Variants in THSD7B observed in about 807,000 individuals in gnomAD.
THSD7B encodes the protein thrombospondin type-1 domain-containing protein 7B.
Under a neutral mutation model 213.6 loss-of-function variants are expected in THSD7B, and 138 were observed. That is an observed-to-expected ratio of 0.65 (90% CI 0.56 to 0.74). THSD7B has a LOEUF of 0.74. Among genes scored for constraint, THSD7B ranks in the 30% least tolerant of loss-of-function variants. The pLI is 0.00. For synonymous variants in THSD7B, 742 were observed against 687.0 expected, an observed-to-expected ratio of 1.08 and a Z score of -1.25; for missense variants, 1,931 against 1,991.5, an observed-to-expected ratio of 0.97 and a Z score of 0.58.
At chr2:137,181,683 A>G (rs1680458258) in intron 7 of THSD7B, among the ~76,000 whole-genome samples, 1 of 152,050 alleles carries the variant, frequency 6.6e-6, no homozygotes, top group Non-Finnish European at 1.5e-5. Context: ...GGACAGGACA[A>G]TTTTGTATTT....
At chr2:137,236,953 A>G (rs180686668) in intron 9 of THSD7B, among the ~76,000 whole-genome samples, 123 of 152,228 alleles carry the variant, frequency 8.1e-4, no homozygotes, top group African/African-American at 2.9e-3. Context: ...TCTACTAAAA[A>G]TACAAAAATT....
At chr2:137,172,498 G>T (rs987760428) in intron 7 of THSD7B, among the ~76,000 whole-genome samples, 6 of 152,172 alleles carry the variant, frequency 3.9e-5, no homozygotes, top group Admixed American at 2.6e-4. Context: ...TGAGAGGGTG[G>T]CAGATCCCAG....
intron 1 of THSD7B, among the ~76,000 whole-genome samples, chr2:136,821,186 C>T (rs1328013474): frequency 1.3e-5 from 2 of 150,540 alleles, no homozygotes; most frequent in East Asian, 1.9e-4. Flanking sequence ...TACAGAGTCA[C>T]GTATTTACAT....
intron 2 of THSD7B, among the ~76,000 whole-genome samples, chr2:137,000,657 G>A (rs1292596440): frequency 6.6e-6 from 1 of 151,904 alleles, no homozygotes; most frequent in African/African-American, 2.4e-5. Context: ...GTTCTTTTGG[G>A]AATCCGATTG....
intron 2 of THSD7B, among the ~76,000 whole-genome samples, chr2:136,941,324 A>G (rs961827663): frequency 2.6e-5 from 4 of 152,164 alleles, no homozygotes; most frequent in Admixed American, 6.5e-5. Context: ...ATACGTGTTC[A>G]TGTGTCTTTA....
At chr2:137,046,316 G>C (rs1686968841) in intron 2 of THSD7B, among the ~76,000 whole-genome samples, 1 of 152,178 alleles carries the variant, frequency 6.6e-6, no homozygotes, top group Non-Finnish European at 1.5e-5. Flanking sequence ...TGAATGCTTT[G>C]TAGGAGAATA....
At chr2:137,370,857 A>G (rs922270509) in intron 12 of THSD7B, among the ~76,000 whole-genome samples, 2 of 152,042 alleles carry the variant, frequency 1.3e-5, no homozygotes, top group African/African-American at 4.8e-5. Context: ...ATATAATTTC[A>G]TTAATTAATA....
intron 17 of THSD7B, among the ~76,000 whole-genome samples, chr2:137,577,902 G>T (rs562338906): frequency 6.6e-6 from 1 of 152,118 alleles, no homozygotes; most frequent in Non-Finnish European, 1.5e-5. Flanking sequence ...AAACTAGCAC[G>T]ATTGTAACGC....
At chr2:137,564,728 T>G (rs912734439) in intron 16 of THSD7B, among the ~76,000 whole-genome samples, 5 of 152,048 alleles carry the variant, frequency 3.3e-5, no homozygotes, top group African/African-American at 4.8e-5. Context: ...TTGTGGAAGG[T>G]TGATTGAGGA....
intron 17 of THSD7B, among the ~76,000 whole-genome samples, chr2:137,574,260 T>C (rs1681415101): frequency 6.6e-6 from 1 of 152,118 alleles, no homozygotes; most frequent in Non-Finnish European, 1.5e-5. Context: ...TGTGTTTGCT[T>C]CTTTTGGGTT....
chr2:137,585,550 G>A (rs911500569), intron 17 of THSD7B, among the ~76,000 whole-genome samples: 8 of 151,954 alleles, frequency 5.3e-5, no homozygotes, highest in East Asian at 1.9e-4. Flanking sequence ...CTTTGTTCTC[G>A]TTGGTTTCAA....
At chr2:136,982,018 C>G (rs1469856251) in intron 2 of THSD7B, among the ~76,000 whole-genome samples, 2 of 152,204 alleles carry the variant, frequency 1.3e-5, no homozygotes, top group African/African-American at 4.8e-5. Flanking sequence ...CCATTTTACT[C>G]TCAAGGAACT....
At chr2:137,290,190 G>A (rs1400920165) in intron 12 of THSD7B, among the ~76,000 whole-genome samples, 1 of 151,208 alleles carries the variant, frequency 6.6e-6, no homozygotes, top group African/African-American at 2.4e-5. Context: ...CTGGGTTCAA[G>A]GGATTCTCCT....
chr2:137,568,372 C>A (rs2105230157), intron 16 of THSD7B, among the ~76,000 whole-genome samples: 1 of 152,124 alleles, frequency 6.6e-6, no homozygotes, highest in East Asian at 1.9e-4. Flanking sequence ...TTCAGGAACA[C>A]CCTCAATTTA....
At chr2:137,352,504 T>C (rs569188743) in intron 12 of THSD7B, among the ~76,000 whole-genome samples, 4 of 152,152 alleles carry the variant, frequency 2.6e-5, no homozygotes, top group South Asian at 2.1e-4. Flanking sequence ...CCTGGCCTTA[T>C]AGACTCTTTA....
intron 7 of THSD7B, among the ~76,000 whole-genome samples, chr2:137,189,489 G>T (rs1680615770): frequency 6.6e-6 from 1 of 151,946 alleles, no homozygotes; most frequent in Non-Finnish European, 1.5e-5. Context: ...CAAGGTCAAC[G>T]TCACCCATGG....
At chr2:137,617,150 T>C (rs1682402844) in intron 18 of THSD7B, among the ~76,000 whole-genome samples, 1 of 152,246 alleles carries the variant, frequency 6.6e-6, no homozygotes, top group Admixed American at 6.5e-5. Flanking sequence ...TGACCTGGTG[T>C]ATTTGTCCTT....
At chr2:137,292,669 G>A (rs1011910129) in intron 12 of THSD7B, among the ~76,000 whole-genome samples, 3 of 151,962 alleles carry the variant, frequency 2.0e-5, no homozygotes, top group Non-Finnish European at 4.4e-5. Context: ...CTCCATGGTT[G>A]TTGTTACCTA....
At chr2:137,464,615 T>G (rs1307124120) in intron 15 of THSD7B, among the ~76,000 whole-genome samples, 3 of 152,082 alleles carry the variant, frequency 2.0e-5, no homozygotes, top group Non-Finnish European at 4.4e-5. Flanking sequence ...GCATAAGCAG[T>G]CTTCTGTTCT....
Sources: allele counts gnomAD v4.1 joint callset (sites outside exome capture counted in the v4.1 genomes callset), GRCh38; gene constraint gnomAD v4.1.1; transcripts MANE v1.5; gene names NCBI Gene and HGNC (gene_info 2026-07-23, HGNC 2026-07-21).